The following ZRANB1 variants were observed in gnomAD, a reference collection of about 807,000 sequenced individuals.
ZRANB1 encodes zinc finger RANBP2-type containing 1, also known as ubiquitin thioesterase ZRANB1.
In ZRANB1, 16 loss-of-function variants were observed where a neutral mutation model predicts 80.5. That is an observed-to-expected ratio of 0.20 (90% confidence interval 0.13 to 0.30). The LOEUF (loss-of-function observed/expected upper bound fraction) is 0.30, where lower values mean the gene tolerates loss of function less well. Ranked by LOEUF, ZRANB1 falls within the 10% of genes least tolerant of loss-of-function variation. The pLI, the probability that ZRANB1 is intolerant of heterozygous loss-of-function variation, is 1.00. For missense variants in ZRANB1, 576 were observed against 862.6 expected, an observed-to-expected ratio of 0.67 and a Z score of 4.16; for synonymous variants, 291 against 293.1, an observed-to-expected ratio of 0.99 and a Z score of 0.07.
At chr10:124,953,397 C>T (rs940908582) in intron 1 of ZRANB1, among the ~76,000 whole-genome samples, 1 of 152,110 alleles carries the variant, frequency 6.6e-6, no homozygotes, top group Admixed American at 6.5e-5. Context: ...GGGTTTCTTT[C>T]TGCTGGATAT....
At chr10:124,965,558 G>T (rs926237310) in intron 1 of ZRANB1, among the ~76,000 whole-genome samples, 1 of 152,156 alleles carries the variant, frequency 6.6e-6, no homozygotes, top group Non-Finnish European at 1.5e-5. Context: ...GAATATGTCT[G>T]ATCTAATTCC....
chr10:124,955,195 G>C (rs981872256), intron 1 of ZRANB1, among the ~76,000 whole-genome samples: 1 of 150,844 alleles, frequency 6.6e-6, no homozygotes, highest in Non-Finnish European at 1.5e-5. Context: ...AACAAAAATG[G>C]TTCGAGTTAA....
In ZRANB1 at chr10:124,983,486, A is replaced by G; in HGVS notation, c.1706A>G (p.Gln569Arg). 6.2e-7 allele frequency: 1 copy of G among 1,612,342 alleles called. No homozygotes were observed. Among genetic ancestry groups the G allele is most frequent in the Non-Finnish European group, 8.5e-7 (1 of 1,178,492 alleles). Residue 569 changes from glutamine (Q) to arginine (R), a missense_variant, in exon 8 of 9, where the codon CAG becomes CGG. Coordinates refer to ENST00000359653, the MANE Select transcript of ZRANB1 (RefSeq NM_017580.3). This position sits in a 1 kb window ranked among gnomAD's most constrained non-coding sequence, Gnocchi z 6.2. The part of the protein sequence containing the change: ...QGVYLPLLWE[Q>R]SFCWKSPIAL... ...GTTTATCTGCCTTTGTTGTGGGAACAGAGTTTTTGTTGGAAAAGTCCGATT... is the reference window on the plus strand; with the variant it reads ...GTTTATCTGCCTTTGTTGTGGGAACGGAGTTTTTGTTGGAAAAGTCCGATT...
intron 5 of ZRANB1, among the ~76,000 whole-genome samples, chr10:124,978,326 T>G (rs975562020): frequency 6.6e-6 from 1 of 152,202 alleles, no homozygotes; most frequent in Admixed American, 6.5e-5. Context: ...CCTTTTGCAC[T>G]TAATTGAAAT....
chr10:124,922,592 A>AAGTG, the ZRANB1 span, among the ~76,000 whole-genome samples: 1 of 151,278 alleles, frequency 6.6e-6, no homozygotes, highest in Non-Finnish European at 1.5e-5. Flanking sequence ...ACCCGGCTTG[A>AAGTG]AGTGATTCTC....
the ZRANB1 span, among the ~76,000 whole-genome samples, chr10:124,917,940 G>T: frequency 6.6e-6 from 1 of 152,138 alleles, no homozygotes; most frequent in Non-Finnish European, 1.5e-5. Context: ...GGCATTAAGC[G>T]CAAGGGACAG....
intron 1 of ZRANB1, among the ~76,000 whole-genome samples, chr10:124,948,136 CCCT>C (rs1951600322): frequency 6.6e-6 from 1 of 152,072 alleles, no homozygotes; most frequent in African/African-American, 2.4e-5. Flanking sequence ...TTCCTCCTCC[CCCT>C]CCTCAGCCTA....
chr10:124,948,424 A>G lies in ZRANB1; in HGVS notation c.814+5117A>G, dbSNP rs540089982. 4.6e-5 allele frequency among the ~76,000 whole-genome samples: 7 copies of G among 151,916 alleles called. No homozygotes were observed. The East Asian group carries it at 1.4e-3, about 29-fold the overall frequency. Reference sequence around the variant, plus strand: ...ACTGTGTGGGAGATTGGTCCCCCTAATCTCCATGTTGTTCAAGGGCCAAAT... The same window carrying G: ...ACTGTGTGGGAGATTGGTCCCCCTAGTCTCCATGTTGTTCAAGGGCCAAAT... On this transcript the variant is annotated intron_variant, in intron 1 of 8. Transcript: ENST00000359653.
rs1384936072 is a variant in ZRANB1, at chr10:124,986,828, C to CAA, written c.*1838_*1839dup. The CAA allele has an allele frequency of 6.6e-6, 1 of 152,112 alleles. No homozygotes were observed. Among genetic ancestry groups the CAA allele is most frequent in the African/African-American group, 2.4e-5 (1 of 41,402 alleles). The allele number at this position is 152,112 out of a possible 1,614,324, so 9.4% of individuals were successfully genotyped here. On this transcript the variant is annotated 3_prime_UTR_variant, in exon 9 of 9. Transcript: ENST00000359653. ...AATCTGCCCTCCCAATTGAAAAAGCCAAAGAGAATTGTTAGAGGGAAAAGC... is the reference window on the plus strand; with the variant it reads ...AATCTGCCCTCCCAATTGAAAAAGCCAAAAAGAGAATTGTTAGAGGGAAAAGC...
rs77333024 is a variant in ZRANB1 at position 124,944,885 on chromosome 10, T to A, written c.814+1578T>A. On this transcript the variant is annotated intron_variant, in intron 1 of 8. Coordinates refer to ENST00000359653, the MANE Select transcript of ZRANB1 (RefSeq NM_017580.3). Reference sequence around the variant, plus strand: ...CTGACCTCCAGACTTAGTAGGCACTTAGCAAGTCTTAGTTCTAGTTTCCTC... The same window carrying A: ...CTGACCTCCAGACTTAGTAGGCACTAAGCAAGTCTTAGTTCTAGTTTCCTC... Among the ~76,000 whole-genome samples the A allele has an allele frequency of 8.5e-5, 13 of 152,256 alleles. No individual in the cohort carries two copies. In the East Asian group the frequency reaches 2.5e-3, roughly 29 times the overall value.
intron 1 of ZRANB1, among the ~76,000 whole-genome samples, chr10:124,955,282 CT>C (rs1951680180): frequency 1.3e-5 from 2 of 151,076 alleles, no homozygotes; most frequent in Non-Finnish European, 2.9e-5. Context: ...GTTGCGCAGG[CT>C]AGAGTGCAGT....
At chr10:124,919,146 C>G in the ZRANB1 span, among the ~76,000 whole-genome samples, 1 of 152,154 alleles carries the variant, frequency 6.6e-6, no homozygotes. Flanking sequence ...AACTCATGAT[C>G]TAGTTGTACA....
At position 124,985,616 on chromosome 10, in the gene ZRANB1, GCTTA is replaced by G. The variant is rs1952015170; in HGVS notation, c.*628_*631del. On this transcript the variant is annotated 3_prime_UTR_variant, in exon 9 of 9. Coordinates refer to ENST00000359653, the MANE Select transcript of ZRANB1 (RefSeq NM_017580.3). ...TTAGAGTGAACTAAATACAGACATT[GCTTA>G]CTTGTTTTGAAGAGGGTTTTGGTTT... 1 of 152,324 alleles carries G rather than the reference GCTTA, an allele frequency of 6.6e-6. No homozygotes were observed. The highest frequency in any genetic ancestry group is 1.5e-5 in the Non-Finnish European group (1 of 67,994). The allele number at this position is 152,324 out of a possible 1,614,324, so 9.4% of individuals were successfully genotyped here.
intron 1 of ZRANB1, among the ~76,000 whole-genome samples, chr10:124,952,456 A>G (rs983598400): frequency 7.9e-5 from 12 of 152,186 alleles, no homozygotes; most frequent in Admixed American, 7.2e-4. Flanking sequence ...AGCCTTCCCA[A>G]CACCTTGATT....
chr10:124,924,776 G>A, the ZRANB1 span, among the ~76,000 whole-genome samples: 1 of 152,132 alleles, frequency 6.6e-6, no homozygotes, highest in Admixed American at 6.6e-5. Context: ...TTGTGTACAA[G>A]TTTTTGTTCA....
At chr10:124,922,888 G>A in the ZRANB1 span, among the ~76,000 whole-genome samples, 1 of 152,196 alleles carries the variant, frequency 6.6e-6, no homozygotes, top group Admixed American at 6.5e-5. Flanking sequence ...CAGGCGTGGT[G>A]TCATGTGGCT....
At chr10:124,933,280 G>A in the ZRANB1 span, among the ~76,000 whole-genome samples, 1 of 151,736 alleles carries the variant, frequency 6.6e-6, no homozygotes, top group Non-Finnish European at 1.5e-5. Context: ...GGGGTTACAG[G>A]TGCGCGCCAC....
intron 6 of ZRANB1, among the ~76,000 whole-genome samples, chr10:124,982,488 G>A (rs1014900645): frequency 7.2e-5 from 11 of 152,234 alleles, no homozygotes; most frequent in Non-Finnish European, 1.6e-4. Flanking sequence ...ACAGAACTGT[G>A]TAGGGTTGTC....
chr10:124,980,862 G>A (rs962621740), intron 5 of ZRANB1, among the ~76,000 whole-genome samples: 1 of 152,116 alleles, frequency 6.6e-6, no homozygotes, highest in African/African-American at 2.4e-5. Flanking sequence ...TCCTCCTTCA[G>A]CTTCCCAAAG....
Sources: allele counts gnomAD v4.1 joint callset (sites outside exome capture counted in the v4.1 genomes callset), GRCh38; gene constraint gnomAD v4.1.1; non-coding constraint Gnocchi (gnomAD v3.1); transcripts MANE v1.5; gene names NCBI Gene and HGNC (gene_info 2026-07-23, HGNC 2026-07-21).